The following CDH8 variants were observed in gnomAD, a reference collection of about 807,000 sequenced individuals.
CDH8 encodes cadherin 8, also known as cadherin-8.
A neutral mutation model predicts 68.1 loss-of-function variants in CDH8; 17 were observed. The observed-to-expected ratio is 0.25, with a 90% CI of 0.17 to 0.37. The LOEUF (loss-of-function observed/expected upper bound fraction) is 0.37. Among genes scored for constraint, CDH8 ranks in the 10% least tolerant of loss-of-function variants. The pLI is 1.00. For missense variants in CDH8, 763 were observed against 999.3 expected (o/e 0.76, Z 3.19); for synonymous variants, 372 against 365.1 (o/e 1.02, Z -0.21).
chr16:61,768,611 T>C (rs542564974), intron 8 of CDH8, among the ~76,000 whole-genome samples: 2 of 151,640 alleles, frequency 1.3e-5, no homozygotes, highest in East Asian at 3.9e-4. Flanking sequence ...AAAGTGTAAA[T>C]TATAATGCCA....
At chr16:61,892,812 C>CTACT (rs1387074590) in intron 3 of CDH8, among the ~76,000 whole-genome samples, 1 of 151,974 alleles carries the variant, frequency 6.6e-6, no homozygotes, top group Non-Finnish European at 1.5e-5. Flanking sequence ...TGGAGATAAG[C>CTACT]TACTGCAAGG....
chr16:61,924,365 A>C (rs879648951), intron 2 of CDH8, among the ~76,000 whole-genome samples: 1 of 152,134 alleles, frequency 6.6e-6, no homozygotes, highest in Non-Finnish European at 1.5e-5. Flanking sequence ...CACAGCCTAT[A>C]GGTTCTCACG....
intron 7 of CDH8, among the ~76,000 whole-genome samples, chr16:61,802,093 T>G (rs931263012): frequency 7.2e-4 from 102 of 141,416 alleles, no homozygotes; most frequent in African/African-American, 2.2e-3. Context: ...AGAGCAGTGG[T>G]TCTCCCAGCA....
At chr16:61,659,697 T>G (rs1045615968) in intron 10 of CDH8, among the ~76,000 whole-genome samples, 1 of 152,006 alleles carries the variant, frequency 6.6e-6, no homozygotes, top group Non-Finnish European at 1.5e-5. Flanking sequence ...TGCTCTGCCC[T>G]AAGGTTTAGC....
intron 8 of CDH8, among the ~76,000 whole-genome samples, chr16:61,727,567 T>C (rs1259327063): frequency 6.6e-6 from 1 of 151,050 alleles, no homozygotes; most frequent in African/African-American, 2.4e-5. Context: ...CTTTTTTTCT[T>C]GAGTAGAACA....
At chr16:61,954,714 AAAAGAAAG>A (rs1555524384) in intron 2 of CDH8, among the ~76,000 whole-genome samples, 1 of 151,272 alleles carries the variant, frequency 6.6e-6, no homozygotes, top group Non-Finnish European at 1.5e-5. Flanking sequence ...AAAAAAAAAA[AAAAGAAAG>A]AAAGAAAGAA....
chr16:61,691,221 C>T (rs1322707143), intron 10 of CDH8, among the ~76,000 whole-genome samples: 1 of 152,038 alleles, frequency 6.6e-6, no homozygotes, highest in African/African-American at 2.4e-5. Flanking sequence ...CTCTCATTGT[C>T]TTAATTATTG....
In CDH8 at chr16:61,652,016, T is replaced by C. The variant is rs745567624; in HGVS notation, c.*1592A>G. On this transcript the variant is annotated 3_prime_UTR_variant, in exon 12 of 12. Transcript: ENST00000577390. ...AAAAATTAATGACAACAAAGGTATT[T>C]ATAAAAATATATTTCACAAAGTAGG... The C allele has an allele frequency of 7.5e-4, 615 of 815,876 alleles. No individual in the cohort carries two copies. The highest frequency in any genetic ancestry group is 8.5e-4 in the Non-Finnish European group (571 of 675,682). 50.5% of individuals were successfully genotyped at this position (815,876 alleles called of 1,614,324 possible).
chr16:61,736,790 A>C (rs533193203), intron 8 of CDH8, among the ~76,000 whole-genome samples: 1 of 152,158 alleles, frequency 6.6e-6, no homozygotes, highest in Non-Finnish European at 1.5e-5. Flanking sequence ...CTTCTAAGGA[A>C]ATTATTTATG....
intron 8 of CDH8, among the ~76,000 whole-genome samples, chr16:61,771,466 G>A (rs1361067490): frequency 1.3e-5 from 1 of 79,558 alleles, no homozygotes; most frequent in Non-Finnish European, 2.3e-5. Context: ...GTATTTAAAA[G>A]CCAGCCAAAA....
At chr16:61,904,567 C>A (rs1050060679) in intron 2 of CDH8, among the ~76,000 whole-genome samples, 1 of 152,062 alleles carries the variant, frequency 6.6e-6, no homozygotes, top group Non-Finnish European at 1.5e-5. Context: ...AACCAAAATG[C>A]TTTTAAAATG....
chr16:61,828,844 C>T (rs1246314519), intron 4 of CDH8, among the ~76,000 whole-genome samples: 1 of 151,860 alleles, frequency 6.6e-6, no homozygotes, highest in Non-Finnish European at 1.5e-5. Flanking sequence ...GAGATAATAA[C>T]CAGCTTCTCA....
chr16:61,721,919 A>G (rs1198536591), intron 9 of CDH8, among the ~76,000 whole-genome samples: 2 of 150,750 alleles, frequency 1.3e-5, no homozygotes, highest in Non-Finnish European at 3.0e-5. Flanking sequence ...CCAAGCTCCT[A>G]GAGCAGGAAC....
intron 8 of CDH8, among the ~76,000 whole-genome samples, chr16:61,763,961 T>A (rs559807460): frequency 3.3e-5 from 5 of 152,312 alleles, no homozygotes; most frequent in Non-Finnish European, 5.9e-5. Context: ...TTGAACATGA[T>A]ATGCTAGTTT....
chr16:61,906,350 G>A (rs1964062024), intron 2 of CDH8, among the ~76,000 whole-genome samples: 3 of 152,144 alleles, frequency 2.0e-5, no homozygotes, highest in Admixed American at 2.0e-4. Context: ...TCCAGGATCT[G>A]GCACGTTTAC....
chr16:61,948,378 A>G (rs191488308), intron 2 of CDH8, among the ~76,000 whole-genome samples: 123 of 152,316 alleles, frequency 8.1e-4, no homozygotes, highest in African/African-American at 2.9e-3. Context: ...TGCCTCCCCA[A>G]TAGTAGACAC....
At chr16:61,932,660 C>G (rs944043737) in intron 2 of CDH8, among the ~76,000 whole-genome samples, 6 of 152,054 alleles carry the variant, frequency 3.9e-5, no homozygotes, top group Non-Finnish European at 5.9e-5. Context: ...CATTCTAAAC[C>G]CTGTGGATAT....
At chr16:61,926,769 C>A (rs377209161) in intron 2 of CDH8, among the ~76,000 whole-genome samples, 9 of 152,140 alleles carry the variant, frequency 5.9e-5, no homozygotes, top group East Asian at 3.9e-4. Context: ...TTTATGTAGA[C>A]TCACGCTGGA....
chr16:61,836,040 CAG>C (rs1209830528), intron 4 of CDH8, among the ~76,000 whole-genome samples: 1 of 151,964 alleles, frequency 6.6e-6, no homozygotes, highest in Non-Finnish European at 1.5e-5. Context: ...ACATAATTCA[CAG>C]AGTATAATAG....
Sources: allele counts gnomAD v4.1 joint callset (sites outside exome capture counted in the v4.1 genomes callset), GRCh38; gene constraint gnomAD v4.1.1; transcripts MANE v1.5; gene names NCBI Gene and HGNC (gene_info 2026-07-23, HGNC 2026-07-21).